Variants in PALM2AKAP2 observed in about 807,000 individuals in gnomAD.
PALM2AKAP2 encodes the protein PALM2 and AKAP2 fusion.
In PALM2AKAP2, 37 loss-of-function variants were observed where a neutral mutation model predicts 71.5. The observed-to-expected ratio is 0.52, with a 90% CI of 0.40 to 0.68. The LOEUF (loss-of-function observed/expected upper bound fraction) is 0.68, where lower values mean the gene tolerates loss of function less well. Ranked by LOEUF, PALM2AKAP2 falls within the 30% of genes least tolerant of loss-of-function variation. The pLI is 0.00. For missense variants in PALM2AKAP2, 1,224 were observed against 1,191.8 expected, an observed-to-expected ratio of 1.03 and a Z score of -0.40; for synonymous variants, 468 against 478.8, an observed-to-expected ratio of 0.98 and a Z score of 0.29.
At chr9:109,647,258 G>A (rs1213531551) in intron 1 of PALM2AKAP2, among the ~76,000 whole-genome samples, 1 of 152,086 alleles carries the variant, frequency 6.6e-6, no homozygotes, top group African/African-American at 2.4e-5. Flanking sequence ...GTAGCTCAGT[G>A]GTAAAGCACA....
chr9:110,034,060 A>G (rs1833334204), intron 7 of PALM2AKAP2, among the ~76,000 whole-genome samples: 1 of 152,170 alleles, frequency 6.6e-6, no homozygotes, highest in Non-Finnish European at 1.5e-5. Context: ...CATTCCTAGC[A>G]TTCTTCATGT....
At chr9:110,098,951 A>C (rs989750848) in intron 1 of PALM2AKAP2, among the ~76,000 whole-genome samples, 3 of 152,342 alleles carry the variant, frequency 2.0e-5, no homozygotes, top group African/African-American at 7.2e-5. Flanking sequence ...CTCTGGATAT[A>C]AAACACATAT....
At chr9:109,967,936 A>G (rs1182996230) in intron 6 of PALM2AKAP2, among the ~76,000 whole-genome samples, 2 of 152,306 alleles carry the variant, frequency 1.3e-5, no homozygotes, top group Middle Eastern at 3.4e-3. Flanking sequence ...CTGAGTATCT[A>G]TCTCTCACAC....
intron 7 of PALM2AKAP2, among the ~76,000 whole-genome samples, chr9:110,026,123 C>T (rs1833178957): frequency 6.6e-6 from 1 of 152,108 alleles, no homozygotes; most frequent in African/African-American, 2.4e-5. Flanking sequence ...CGCTATGTCA[C>T]CCAGGCTGGA....
chr9:109,829,187 G>A (rs1030588429), intron 1 of PALM2AKAP2, among the ~76,000 whole-genome samples: 18 of 152,292 alleles, frequency 1.2e-4, no homozygotes, highest in Non-Finnish European at 1.5e-4. Context: ...TGCATAGGCT[G>A]TCTCTCCCTG....
intron 1 of PALM2AKAP2, among the ~76,000 whole-genome samples, chr9:109,749,075 C>T (rs941651330): frequency 6.6e-6 from 1 of 152,110 alleles, no homozygotes; most frequent in Non-Finnish European, 1.5e-5. Context: ...CAATTCAGCC[C>T]ATATCAGATG....
rs1829187757 is a variant in PALM2AKAP2 at position 109,768,016 on chromosome 9, G to GGAT, written c.6-12472_6-12471insGAT. 1.4e-3 allele frequency among the ~76,000 whole-genome samples: 161 copies of GGAT among 114,960 alleles called. 1 individual carries two copies. Among genetic ancestry groups the GGAT allele is most frequent in the African/African-American group, 4.0e-3 (146 of 36,328 alleles). The allele number at this position is 114,960 out of a possible 152,430, so 75.4% of individuals were successfully genotyped here. A position where few individuals can be genotyped will look rare whatever the true frequency, so the allele number is the denominator to read the frequency against. On this transcript the variant is annotated intron_variant, in intron 1 of 6. Transcript: ENST00000374531. ...GGGAGCAAAGGCAGGTAGGTAGGAA[G>GGAT]AAAGGAAGGAAGGAAAGAAAAAGAG...
chr9:110,132,984 T>C (rs774585573), intron 1 of PALM2AKAP2, among the ~76,000 whole-genome samples: 1 of 152,248 alleles, frequency 6.6e-6, no homozygotes, highest in Non-Finnish European at 1.5e-5. Context: ...AAATAATTTC[T>C]GATTCAAAGA....
chr9:110,168,208 G>C (rs1836781453), intron 3 of PALM2AKAP2, among the ~76,000 whole-genome samples, 191 bp from the exon 11 acceptor site: 2 of 152,196 alleles, frequency 1.3e-5, no homozygotes, highest in South Asian at 4.1e-4. Flanking sequence ...ATGAATACTG[G>C]CTGTGAGATG....
intron 2 of PALM2AKAP2, among the ~76,000 whole-genome samples, chr9:109,870,782 AT>A (rs1370723580): frequency 4.6e-5 from 7 of 152,198 alleles, no homozygotes; most frequent in Non-Finnish European, 8.8e-5. Context: ...CTTACTCTAA[AT>A]ATATTGTGAT....
intron 1 of PALM2AKAP2, chr9:109,866,970 A>G (rs1295608633): frequency 2.2e-6 from 1 of 454,210 alleles, no homozygotes; most frequent in African/African-American, 2.0e-5. Context: ...GGTATGTCCA[A>G]CTGGGTGATT....
At chr9:109,658,673 CA>C (rs1237343298) in intron 1 of PALM2AKAP2, among the ~76,000 whole-genome samples, 2 of 152,060 alleles carry the variant, frequency 1.3e-5, no homozygotes, top group African/African-American at 4.8e-5. Flanking sequence ...TGGTGGAGGG[CA>C]AAAGGCACAT....
chr9:110,131,035 G>C (rs562701480), intron 1 of PALM2AKAP2, among the ~76,000 whole-genome samples: 2 of 152,286 alleles, frequency 1.3e-5, no homozygotes, highest in African/African-American at 4.8e-5. Context: ...TGGGGCGTGG[G>C]ATCTCTCATT....
chr9:110,128,757 A>G (rs1391872477), intron 1 of PALM2AKAP2, among the ~76,000 whole-genome samples: 1 of 152,220 alleles, frequency 6.6e-6, no homozygotes, highest in Non-Finnish European at 1.5e-5. Flanking sequence ...CACAGTGAAC[A>G]TTGTCCTTGT....
chr9:110,084,679 T>C (rs987335232), intron 1 of PALM2AKAP2, among the ~76,000 whole-genome samples: 1 of 151,752 alleles, frequency 6.6e-6, no homozygotes, highest in Non-Finnish European at 1.5e-5. Flanking sequence ...GGAATCATGA[T>C]AAAAAAAAGT....
intron 6 of PALM2AKAP2, among the ~76,000 whole-genome samples, chr9:109,937,297 G>A (rs1168260614): frequency 6.6e-6 from 1 of 151,950 alleles, no homozygotes; most frequent in African/African-American, 2.4e-5. Context: ...TCCACACCTG[G>A]GTGTTTTCAG....
chr9:109,808,017 G>C (rs1161489415), intron 1 of PALM2AKAP2, among the ~76,000 whole-genome samples: 2 of 152,196 alleles, frequency 1.3e-5, no homozygotes, highest in Non-Finnish European at 2.9e-5. Flanking sequence ...CAGCCATATG[G>C]AACTGTGATT....
Position 109,747,642 on chromosome 9 carries a change from T to C in PALM2AKAP2, c.6-32846T>C, listed in dbSNP as rs549186847. Reference sequence around the variant, plus strand: ...ATTGAATCATGAAGTAAAGTTCTTCTCATTTCTAAAATACTGTAACTCCAT... The same window carrying C: ...ATTGAATCATGAAGTAAAGTTCTTCCCATTTCTAAAATACTGTAACTCCAT... On this transcript the variant is annotated intron_variant, in intron 1 of 6. Coordinates refer to the PALM2AKAP2 transcript ENST00000374531. Among the ~76,000 whole-genome samples the C allele has an allele frequency of 3.9e-5, 6 of 152,264 alleles. No homozygotes were observed. In the East Asian group the frequency reaches 1.2e-3, roughly 29 times the overall value.
chr9:109,866,995 T>C, intron 1 of PALM2AKAP2: 1 of 456,260 alleles, frequency 2.2e-6, no homozygotes, highest in Non-Finnish European at 4.4e-6. Context: ...CTACAAAATT[T>C]GAAACAACGT....
Sources: gnomAD v4.1 joint callset for allele counts (sites outside exome capture counted in the v4.1 genomes callset) on GRCh38, gnomAD v4.1.1 for gene constraint, MANE v1.5 for transcripts, NCBI Gene and HGNC (gene_info 2026-07-23, HGNC 2026-07-21) for gene names.